The following COX6C variants were observed in gnomAD, a reference collection of about 807,000 sequenced individuals.
COX6C encodes the protein cytochrome c oxidase polypeptide VIc.
COX6C carries 3 observed loss-of-function variants against 6.9 expected under a neutral mutation model. The ratio of observed to expected loss-of-function variants is 0.43; its 90% CI spans 0.20 to 1.12. The LOEUF (loss-of-function observed/expected upper bound fraction) is 1.12. Ranked by LOEUF, COX6C falls within the 50% of genes most tolerant of loss-of-function variation. COX6C has a pLI of 0.27. For missense variants in COX6C, 101 were observed against 97.3 expected (o/e 1.04, Z -0.16); for synonymous variants, 32 against 32.0 (o/e 1.00, Z 0.00).
At chr8:99,881,713 A>G (rs1044397462) in intron 3 of COX6C, among the ~76,000 whole-genome samples, 1 of 152,236 alleles carries the variant, frequency 6.6e-6, no homozygotes, top group Admixed American at 6.5e-5. Context: ...AGAAGCTGTA[A>G]GACACATAGA....
At position 99,893,643 on chromosome 8, in the gene COX6C, A is replaced by G. The variant is rs1464173253; in HGVS notation, c.-36T>C. ...TGCAAAAGGGACCGGACTCACCTCA[A>G]CACCAACGTCCTTCCTGACTAAAGG... On this transcript the variant is annotated 5_prime_UTR_variant, in exon 1 of 4. Transcript: ENST00000520468. 6.6e-6 allele frequency: 1 copy of G among 152,312 alleles called. No individual in the cohort carries two copies. The highest frequency in any genetic ancestry group is 1.5e-5 in the Non-Finnish European group (1 of 68,090). The allele number at this position is 152,312 out of a possible 1,614,324, so 9.4% of individuals were successfully genotyped here.
intron 3 of COX6C, among the ~76,000 whole-genome samples, chr8:99,884,540 A>G (rs1488117715): frequency 6.6e-6 from 1 of 152,200 alleles, no homozygotes; most frequent in Non-Finnish European, 1.5e-5. Flanking sequence ...TACAGAATAT[A>G]CACATAAGGA....
chr8:99,888,327 C>A (rs1817975614), intron 2 of COX6C, among the ~76,000 whole-genome samples: 1 of 152,082 alleles, frequency 6.6e-6, no homozygotes, highest in African/African-American at 2.4e-5. Flanking sequence ...AATCCCAGCA[C>A]TTTGGGAGGC....
intron 3 of COX6C, among the ~76,000 whole-genome samples, chr8:99,885,669 G>C (rs1359073699): frequency 6.6e-6 from 1 of 152,114 alleles, no homozygotes; most frequent in Non-Finnish European, 1.5e-5. Context: ...CTAAACATAA[G>C]AGCTAAAACT....
Position 99,893,628 on chromosome 8 carries a change from A to G in COX6C, c.-32+11T>C, listed in dbSNP as rs1425929766. 1 of 152,290 alleles carries G rather than the reference A, an allele frequency of 6.6e-6. No individual in the cohort carries two copies. Among genetic ancestry groups the G allele is most frequent in the Non-Finnish European group, 1.5e-5 (1 of 68,092 alleles). 9.4% of individuals were successfully genotyped at this position (152,290 alleles called of 1,614,324 possible). A position where few individuals can be genotyped will look rare whatever the true frequency, so the allele number is the denominator to read the frequency against. ...GTGTCGGGGTAGGGATGCAAAAGGG[A>G]CCGGACTCACCTCAACACCAACGTC... On this transcript the variant is annotated intron_variant, in intron 1 of 3. Transcript: ENST00000520468.
chr8:99,885,923 CAAAA>C (rs1265651726), intron 3 of COX6C: 2 of 151,960 alleles, frequency 1.3e-5, no homozygotes, highest in African/African-American at 2.4e-5. Context: ...AACCAATAAA[CAAAA>C]AACCAAATTT....
chr8:99,887,859 G>A (rs759860168), intron 2 of COX6C, among the ~76,000 whole-genome samples: 26 of 152,244 alleles, frequency 1.7e-4, no homozygotes, highest in African/African-American at 4.6e-4. Flanking sequence ...CGAGGTTTCC[G>A]TACACAAAGG....
At position 99,888,658 on chromosome 8, in the gene COX6C, CACTT is replaced by C. The variant is rs573227485; in HGVS notation, c.115-1044_115-1041del. 1.1e-3 allele frequency among the ~76,000 whole-genome samples: 165 copies of C among 152,322 alleles called. 1 individual carries two copies. The highest frequency in any genetic ancestry group is 3.9e-3 in the African/African-American group (161 of 41,574). ...CGGTTAATTTGGACTCTCCCTACCT[CACTT>C]AGTCATCCATCTGACAGAGAGACAG... is the stretch of plus-strand genomic sequence containing the variant. On this transcript the variant is annotated intron_variant, in intron 2 of 3. Transcript: ENST00000520468.
intron 2 of COX6C, among the ~76,000 whole-genome samples, chr8:99,889,328 C>T (rs868350791): frequency 4.0e-5 from 6 of 151,596 alleles, no homozygotes; most frequent in Non-Finnish European, 5.9e-5. Context: ...CTGGCTCTAT[C>T]GCCCAGCCTG....
intron 2 of COX6C, among the ~76,000 whole-genome samples, chr8:99,888,292 G>T (rs1817974717): frequency 6.6e-6 from 1 of 152,074 alleles, no homozygotes; most frequent in East Asian, 1.9e-4. Context: ...AGAGGCAGAG[G>T]TCGGGCGTGG....
intron 3 of COX6C, among the ~76,000 whole-genome samples, chr8:99,885,412 A>G (rs1049008900): frequency 1.3e-5 from 2 of 152,238 alleles, no homozygotes; most frequent in African/African-American, 4.8e-5. Flanking sequence ...GTCTTGAAAC[A>G]TATCTTAGAT....
At chr8:99,881,046 G>T (rs1372063024) in intron 3 of COX6C, among the ~76,000 whole-genome samples, 1 of 152,092 alleles carries the variant, frequency 6.6e-6, no homozygotes, top group African/African-American at 2.4e-5. Flanking sequence ...CTCTGGCAAA[G>T]AACATAGAAG....
intron 2 of COX6C, among the ~76,000 whole-genome samples, chr8:99,890,093 C>CA (rs1286263431): frequency 2.0e-5 from 3 of 147,360 alleles, no homozygotes; most frequent in Admixed American, 1.3e-4. Flanking sequence ...GACTCCATCT[C>CA]AAAAAAACAA....
At chr8:99,884,491 A>T (rs1337740472) in intron 3 of COX6C, among the ~76,000 whole-genome samples, 3 of 152,218 alleles carry the variant, frequency 2.0e-5, no homozygotes, top group Non-Finnish European at 4.4e-5. Context: ...AAATTAGCAA[A>T]TCTCATTCAT....
rs34907198 is a variant in COX6C at position 99,883,429 on chromosome 8, A to ATGTGTG, written c.*15+4060_*15+4061insCACACA. ...TATATATATGTGTGTGTGTGTATAT[A>ATGTGTG]TGTATGTGTGTGTGTGTGTGTGTGT... is the stretch of plus-strand genomic sequence containing the variant. On this transcript the variant is annotated intron_variant, in intron 3 of 3. Transcript: ENST00000520468. 6.0e-4 allele frequency among the ~76,000 whole-genome samples: 87 copies of ATGTGTG among 145,838 alleles called. 1 individual carries two copies. Among genetic ancestry groups the ATGTGTG allele is most frequent in the South Asian group, 3.4e-3 (16 of 4,712 alleles).
At chr8:99,891,020 G>C (rs1310618392) in intron 2 of COX6C, among the ~76,000 whole-genome samples, 2 of 152,186 alleles carry the variant, frequency 1.3e-5, no homozygotes, top group Non-Finnish European at 2.9e-5. Context: ...TTAAAATATC[G>C]TCAGGGCTCC....
At chr8:99,886,793 G>C (rs572839869) in intron 3 of COX6C, among the ~76,000 whole-genome samples, 1 of 152,300 alleles carries the variant, frequency 6.6e-6, no homozygotes, top group East Asian at 1.9e-4. Context: ...TGAGATGCCT[G>C]GGGTAGCCAA....
At chr8:99,885,156 G>A (rs112732100) in intron 3 of COX6C, among the ~76,000 whole-genome samples, 401 of 152,248 alleles carry the variant, frequency 2.6e-3, no homozygotes, top group African/African-American at 8.7e-3. Context: ...ACCTTCCACC[G>A]CTTTAGTTCT....
chr8:99,889,353 G>A lies in COX6C; in HGVS notation c.115-1735C>T, dbSNP rs368641527. 4.5e-4 allele frequency among the ~76,000 whole-genome samples: 67 copies of A among 150,090 alleles called. 2 individuals are homozygous for A. The highest frequency in any genetic ancestry group is 1.0e-4 in the Non-Finnish European group (7 of 67,700). On this transcript the variant is annotated intron_variant, in intron 2 of 3. Transcript: ENST00000520468. ...CGCCCAGCCTGGAGTGCAGCGGCAC[G>A]ATCTCGGCTCACTGCAACCTCCACC...
Sources: allele counts gnomAD v4.1 joint callset (sites outside exome capture counted in the v4.1 genomes callset), GRCh38; gene constraint gnomAD v4.1.1; transcripts MANE v1.5; gene names NCBI Gene and HGNC (gene_info 2026-07-23, HGNC 2026-07-21).